The following EYS variants were observed in gnomAD, a reference collection of about 807,000 sequenced individuals.
The protein encoded by EYS is protein eyes shut homolog.
In EYS, 250 loss-of-function variants were observed where a neutral mutation model predicts 282.1. The ratio of observed to expected loss-of-function variants is 0.89; its 90% CI spans 0.80 to 0.98. The LOEUF is 0.98. Among genes scored for constraint, EYS ranks in the 50% least tolerant of loss-of-function variants. EYS has a pLI of 0.00. For synonymous variants in EYS, 1,355 were observed against 1,282.9 expected, an observed-to-expected ratio of 1.06 and a Z score of -1.20; for missense variants, 4,016 against 3,709.0, an observed-to-expected ratio of 1.08 and a Z score of -2.15.
intron 22 of EYS, among the ~76,000 whole-genome samples, chr6:64,731,514 A>G (rs1393695095): frequency 1.3e-5 from 2 of 152,220 alleles, no homozygotes; most frequent in Non-Finnish European, 2.9e-5. Flanking sequence ...AGGAACAAAC[A>G]CTTCTCAAAA....
chr6:65,492,367 AAAGG>A (rs1466129944), intron 4 of EYS, among the ~76,000 whole-genome samples: 11 of 151,556 alleles, frequency 7.3e-5, no homozygotes, highest in African/African-American at 1.5e-4. Flanking sequence ...AGAAAGAGAG[AAAGG>A]AAGGAAGGAA....
intron 36 of EYS, among the ~76,000 whole-genome samples, chr6:63,840,020 G>A (rs1223183197): frequency 6.7e-6 from 1 of 149,498 alleles, no homozygotes; most frequent in Non-Finnish European, 1.5e-5. Flanking sequence ...TCTTTTGAGA[G>A]ATGTCTATTC....
chr6:64,987,451 G>A (rs556079599), intron 14 of EYS, among the ~76,000 whole-genome samples: 2 of 151,574 alleles, frequency 1.3e-5, no homozygotes, highest in South Asian at 2.1e-4. Flanking sequence ...TACCAAATAT[G>A]CATGCAGTTT....
At position 63,852,454 on chromosome 6, in the gene EYS, G is replaced by A. The variant is rs1287363883; in HGVS notation, c.7228+11732C>T. Among the ~76,000 whole-genome samples, 4 of 152,044 alleles carry A rather than the reference G, an allele frequency of 2.6e-5. 1 individual carries two copies. The highest frequency in any genetic ancestry group is 1.3e-4 in the Admixed American group (2 of 15,276). ...CAGGAAGAAATCAAATCCCTGAATA[G>A]ACCAATAACAAGTTCTGAAATTGAG... On this transcript the variant is annotated intron_variant, in intron 36 of 42. Transcript: ENST00000503581.
intron 5 of EYS, among the ~76,000 whole-genome samples, chr6:65,443,248 G>T (rs990576703): frequency 4.9e-5 from 7 of 142,740 alleles, no homozygotes; most frequent in African/African-American, 1.2e-4. Flanking sequence ...ATAGACATAT[G>T]TGTATACATA....
At chr6:63,766,733 T>G (rs1769798471) in intron 40 of EYS, among the ~76,000 whole-genome samples, 1 of 152,042 alleles carries the variant, frequency 6.6e-6, no homozygotes, top group Non-Finnish European at 1.5e-5. Context: ...AGAGAGAGGT[T>G]AAGTCTGCTA....
intron 36 of EYS, among the ~76,000 whole-genome samples, chr6:63,816,229 T>G (rs140066239): frequency 1.1e-3 from 168 of 152,304 alleles, no homozygotes; most frequent in African/African-American, 3.9e-3. Flanking sequence ...TCTTGTTATA[T>G]CTAATAGCCC....
At chr6:65,345,820 TAC>T (rs1562111132) in intron 9 of EYS, among the ~76,000 whole-genome samples, 1 of 151,162 alleles carries the variant, frequency 6.6e-6, no homozygotes, top group African/African-American at 2.4e-5. Context: ...AAAAAAATGA[TAC>T]ACTGACTAAA....
chr6:64,453,334 G>T (rs993037108), intron 26 of EYS, among the ~76,000 whole-genome samples: 1 of 152,086 alleles, frequency 6.6e-6, no homozygotes, highest in Non-Finnish European at 1.5e-5. Context: ...TTAGAATGGC[G>T]ATCATTAAAA....
intron 36 of EYS, among the ~76,000 whole-genome samples, chr6:63,811,060 C>A (rs1400977606): frequency 6.6e-6 from 1 of 152,140 alleles, no homozygotes. Flanking sequence ...TTCTGTCCTG[C>A]CTCCCAGGAG....
At chr6:65,158,598 T>G (rs1410065288) in intron 12 of EYS, among the ~76,000 whole-genome samples, 1 of 150,894 alleles carries the variant, frequency 6.6e-6, no homozygotes, top group Non-Finnish European at 1.5e-5. Context: ...ATTAGTTGAC[T>G]AAACTTGTCT....
chr6:64,226,827 T>G (rs1444498039), intron 31 of EYS, among the ~76,000 whole-genome samples: 1 of 152,094 alleles, frequency 6.6e-6, no homozygotes. Flanking sequence ...GAAATATGTC[T>G]GTGGGTGACC....
chr6:64,827,028 C>A (rs1765081670), intron 19 of EYS, among the ~76,000 whole-genome samples: 1 of 151,908 alleles, frequency 6.6e-6, no homozygotes, highest in South Asian at 2.1e-4. Flanking sequence ...ATAATACAAT[C>A]AACCGTGGAG....
At chr6:65,368,191 T>G (rs551258924) in intron 8 of EYS, among the ~76,000 whole-genome samples, 1 of 151,614 alleles carries the variant, frequency 6.6e-6, no homozygotes, top group Non-Finnish European at 1.5e-5. Flanking sequence ...ACCGCCCCCA[T>G]GATTCAATTA....
chr6:64,932,133 G>T (rs1265318754), intron 15 of EYS, among the ~76,000 whole-genome samples: 1 of 152,006 alleles, frequency 6.6e-6, no homozygotes, highest in Admixed American at 6.6e-5. Flanking sequence ...CAGCTTCGTG[G>T]TTGTAAACAA....
chr6:63,737,820 T>G (rs949473934), intron 41 of EYS, among the ~76,000 whole-genome samples: 2 of 152,002 alleles, frequency 1.3e-5, no homozygotes, highest in Non-Finnish European at 2.9e-5. Flanking sequence ...GGGAGAAAAT[T>G]TTCGCAACCT....
At chr6:63,833,018 C>T (rs529014694) in intron 36 of EYS, among the ~76,000 whole-genome samples, 25 of 152,202 alleles carry the variant, frequency 1.6e-4, no homozygotes, top group African/African-American at 7.2e-5. Flanking sequence ...ATTCAGCAGG[C>T]CTTCATGCTA....
rs990868970 is a variant in EYS, at chr6:65,443,178, A to C, written c.863-37811T>G. On this transcript the variant is annotated intron_variant, in intron 5 of 42. Transcript: ENST00000503581. Reference sequence around the variant, plus strand: ...TACACATATATGAGCACATATGTGCACATCATATACATATGTGCGCACATA... The same window carrying C: ...TACACATATATGAGCACATATGTGCCCATCATATACATATGTGCGCACATA... Among the ~76,000 whole-genome samples the C allele has an allele frequency of 2.0e-5, 3 of 151,892 alleles. 1 individual carries two copies. The South Asian group carries it at 6.2e-4, about 31-fold the overall frequency.
intron 11 of EYS, among the ~76,000 whole-genome samples, chr6:65,317,247 A>AT (rs1344814854): frequency 6.6e-6 from 1 of 152,064 alleles, no homozygotes; most frequent in African/African-American, 2.4e-5. Flanking sequence ...TAGGTGTTTG[A>AT]TTTTCTACTT....
Sources: gnomAD v4.1 joint callset for allele counts (sites outside exome capture counted in the v4.1 genomes callset) on GRCh38, gnomAD v4.1.1 for gene constraint, MANE v1.5 for transcripts, NCBI Gene and HGNC (gene_info 2026-07-23, HGNC 2026-07-21) for gene names.